Variants in EFCAB11 observed in about 807,000 individuals in gnomAD.
The protein encoded by EFCAB11 is EF-hand calcium binding domain 11.
EFCAB11 carries 14 observed loss-of-function variants against 23.0 expected under a neutral mutation model. The observed-to-expected ratio is 0.61, with a 90% CI of 0.40 to 0.95. The LOEUF is 0.95. Ranked by LOEUF, EFCAB11 falls within the 40% of genes least tolerant of loss-of-function variation. EFCAB11 has a pLI of 0.00. For missense variants in EFCAB11, 198 were observed against 195.8 expected (o/e 1.01, Z -0.07); for synonymous variants, 65 against 66.6 (o/e 0.98, Z 0.11).
At chr14:89,931,726 AT>A in intron 4 of EFCAB11, 95 bp from the exon 5 acceptor site, 1 of 948,852 alleles carries the variant, frequency 1.1e-6, no homozygotes, top group Non-Finnish European at 1.6e-6. Context: ...ATTTTAATAT[AT>A]TACTAGGAGA....
chr14:89,919,041 C>G (rs1237305950), intron 5 of EFCAB11, among the ~76,000 whole-genome samples: 5 of 151,578 alleles, frequency 3.3e-5, no homozygotes, highest in Non-Finnish European at 7.4e-5. Context: ...GTAGCCCAAA[C>G]ACTTTGGTCA....
intron 5 of EFCAB11, among the ~76,000 whole-genome samples, chr14:89,865,825 C>T (rs1013316197): frequency 1.8e-3 from 26 of 14,522 alleles, no homozygotes; most frequent in African/African-American, 2.9e-3. Context: ...CCACCATGCT[C>T]GGCTAATTTT....
chr14:89,801,076 A>G (rs1649118331), intron 5 of EFCAB11, among the ~76,000 whole-genome samples: 1 of 150,190 alleles, frequency 6.7e-6, no homozygotes, highest in African/African-American at 2.4e-5. Context: ...ACTGCTCTGT[A>G]TTACTTGGTA....
intron 5 of EFCAB11, among the ~76,000 whole-genome samples, chr14:89,909,407 G>C (rs1347510462): frequency 6.6e-6 from 1 of 152,088 alleles, no homozygotes; most frequent in African/African-American, 2.4e-5. Context: ...GCAAAACCTC[G>C]TCTCTACTAA....
intron 5 of EFCAB11, among the ~76,000 whole-genome samples, chr14:89,870,403 G>A (rs1888227867): frequency 6.6e-6 from 1 of 151,888 alleles, no homozygotes; most frequent in Admixed American, 6.6e-5. Context: ...GGGCTTTTAC[G>A]GGAAGACACT....
intron 5 of EFCAB11, among the ~76,000 whole-genome samples, chr14:89,865,628 A>G (rs1380776085): frequency 6.6e-6 from 1 of 152,008 alleles, no homozygotes; most frequent in East Asian, 1.9e-4. Context: ...CGGCCTCCAG[A>G]GTAGCTGGAA....
At chr14:89,798,712 T>C (rs1350107167) in intron 5 of EFCAB11, among the ~76,000 whole-genome samples, 1 of 152,238 alleles carries the variant, frequency 6.6e-6, no homozygotes. Flanking sequence ...TATTCACTTA[T>C]TGAGATGCTG....
chr14:89,894,987 G>C (rs752507605), intron 5 of EFCAB11, among the ~76,000 whole-genome samples: 3 of 152,136 alleles, frequency 2.0e-5, no homozygotes, highest in Non-Finnish European at 4.4e-5. Flanking sequence ...AGCACCTTGG[G>C]CTAGAATCTT....
At chr14:89,868,244 A>T (rs1888157692) in intron 5 of EFCAB11, among the ~76,000 whole-genome samples, 1 of 152,234 alleles carries the variant, frequency 6.6e-6, no homozygotes, top group South Asian at 2.1e-4. Context: ...TGGTCCCTCA[A>T]GAGAGACTGG....
At chr14:89,899,792 A>G (rs1024203474) in intron 5 of EFCAB11, among the ~76,000 whole-genome samples, 1 of 152,228 alleles carries the variant, frequency 6.6e-6, no homozygotes, top group Non-Finnish European at 1.5e-5. Flanking sequence ...ACACCCATCA[A>G]ATTGGCAAAA....
intron 5 of EFCAB11, chr14:89,924,524 G>A: frequency 6.8e-7 from 1 of 1,468,078 alleles, no homozygotes; most frequent in East Asian, 2.5e-5. Context: ...ATGAGATGGA[G>A]AAGGTTCCTA....
intron 5 of EFCAB11, among the ~76,000 whole-genome samples, chr14:89,831,961 G>A (rs979835122): frequency 3.3e-5 from 5 of 152,158 alleles, no homozygotes; most frequent in African/African-American, 1.2e-4. Flanking sequence ...AAGAGAGAAA[G>A]AAGGCATGCA....
intron 5 of EFCAB11, among the ~76,000 whole-genome samples, chr14:89,836,252 G>C (rs76608292): frequency 0.024 from 3,649 of 152,178 alleles, 143 homozygotes; most frequent in African/African-American, 0.083. Context: ...GCATTTTAGA[G>C]GACTAGGCTC....
chr14:89,854,018 A>AAG (rs1390221565), intron 5 of EFCAB11, among the ~76,000 whole-genome samples: 1 of 152,184 alleles, frequency 6.6e-6, no homozygotes, highest in Non-Finnish European at 1.5e-5. Flanking sequence ...TTGAATCAAA[A>AAG]AGAGAGAGAG....
chr14:89,874,849 G>T (rs908077920), intron 5 of EFCAB11, among the ~76,000 whole-genome samples: 2 of 151,452 alleles, frequency 1.3e-5, no homozygotes, highest in Non-Finnish European at 2.9e-5. Flanking sequence ...CCAAGATTGC[G>T]CCACTGCACT....
chr14:89,925,799 C>G (rs895605292), intron 5 of EFCAB11, among the ~76,000 whole-genome samples: 1 of 151,866 alleles, frequency 6.6e-6, no homozygotes, highest in Non-Finnish European at 1.5e-5. Context: ...GCACGTGCCA[C>G]CACACCCAGC....
Position 89,835,585 on chromosome 14 carries a change from CGTGTGTGTGTGTGTGT to C in EFCAB11, c.411-38277_411-38262del, listed in dbSNP as rs67831579. On this transcript the variant is annotated intron_variant, in intron 5 of 5. Transcript: ENST00000316738. Reference sequence around the variant, plus strand: ...TGGATTTCAGATTAGGGATGCTCAACGTGTGTGTGTGTGTGTGTGTGTGTGTGTGTGTGTGTGTGTG... The same window carrying C: ...TGGATTTCAGATTAGGGATGCTCAACGTGTGTGTGTGTGTGTGTGTGTGTG... Among the ~76,000 whole-genome samples the C allele has an allele frequency of 4.8e-3, 444 of 93,388 alleles. 1 individual carries two copies. The highest frequency in any genetic ancestry group is 9.1e-3 in the East Asian group (26 of 2,862). The allele number at this position is 93,388 out of a possible 152,430, so 61.3% of individuals were successfully genotyped here. A position where few individuals can be genotyped will look rare whatever the true frequency, so the allele number is the denominator to read the frequency against.
intron 5 of EFCAB11, among the ~76,000 whole-genome samples, chr14:89,904,149 C>T (rs1004056271): frequency 1.3e-5 from 2 of 152,002 alleles, no homozygotes; most frequent in Non-Finnish European, 2.9e-5. Flanking sequence ...CCTGACCGGC[C>T]CTGGTGTGTG....
At chr14:89,895,360 G>C (rs904548056) in intron 5 of EFCAB11, among the ~76,000 whole-genome samples, 5 of 152,128 alleles carry the variant, frequency 3.3e-5, no homozygotes, top group African/African-American at 1.2e-4. Flanking sequence ...CTAGTTTCTG[G>C]AATTATTATG....
Sources: gnomAD v4.1 joint callset for allele counts (sites outside exome capture counted in the v4.1 genomes callset) on GRCh38, gnomAD v4.1.1 for gene constraint, MANE v1.5 for transcripts, NCBI Gene and HGNC (gene_info 2026-07-23, HGNC 2026-07-21) for gene names.